The following TANC1 variants were observed in gnomAD, a reference collection of about 807,000 sequenced individuals.
TANC1 encodes tetratricopeptide repeat, ankyrin repeat and coiled-coil containing 1.
A neutral mutation model predicts 149.7 loss-of-function variants in TANC1; 77 were observed. That is an observed-to-expected ratio of 0.51 (90% CI 0.43 to 0.62). The LOEUF is 0.62. Ranked by LOEUF, TANC1 falls within the 20% of genes least tolerant of loss-of-function variation. TANC1 has a pLI of 0.00. For missense variants in TANC1, 1,985 were observed against 2,321.8 expected (o/e 0.85, Z 2.98); for synonymous variants, 854 against 925.0 (o/e 0.92, Z 1.39).
intron 3 of TANC1, among the ~76,000 whole-genome samples, chr2:159,091,793 T>G (rs1260912530): frequency 6.6e-6 from 1 of 152,218 alleles, no homozygotes; most frequent in African/African-American, 2.4e-5. Flanking sequence ...GAATAAAGTT[T>G]TTGAAAATTG....
At chr2:159,139,755 A>G (rs758092358) in intron 5 of TANC1, among the ~76,000 whole-genome samples, 2 of 152,216 alleles carry the variant, frequency 1.3e-5, no homozygotes, top group Non-Finnish European at 2.9e-5. Context: ...TTTTCCTGGC[A>G]GTCTGACTAA....
intron 4 of TANC1, among the ~76,000 whole-genome samples, chr2:159,120,862 A>G (rs2048779135): frequency 6.6e-6 from 1 of 151,984 alleles, no homozygotes; most frequent in East Asian, 1.9e-4. Context: ...CTGCCTCCCA[A>G]AGTGCTGAGA....
intron 2 of TANC1, among the ~76,000 whole-genome samples, chr2:159,051,298 C>T (rs1405951829): frequency 1.3e-5 from 2 of 152,158 alleles, no homozygotes; most frequent in Non-Finnish European, 2.9e-5. Context: ...TTCTGCAACT[C>T]CCTATTCCTC....
chr2:159,155,675 A>C (rs2150353081), intron 7 of TANC1, among the ~76,000 whole-genome samples: 1 of 152,280 alleles, frequency 6.6e-6, no homozygotes, highest in East Asian at 1.9e-4. Context: ...AGCTCTTCTG[A>C]ATGCCTTTCC....
intron 2 of TANC1, among the ~76,000 whole-genome samples, chr2:159,029,045 A>C (rs567623620): frequency 1.3e-5 from 2 of 152,174 alleles, no homozygotes; most frequent in Non-Finnish European, 2.9e-5. Context: ...TGTGAGCCAC[A>C]GTGCCTAGCA....
chr2:159,090,778 A>C (rs2045445295), intron 3 of TANC1, among the ~76,000 whole-genome samples: 1 of 152,256 alleles, frequency 6.6e-6, no homozygotes, highest in Non-Finnish European at 1.5e-5. Context: ...CTGCAGAAGC[A>C]GCAGGCCCAA....
chr2:158,985,467 A>G (rs533630340), intron 1 of TANC1, among the ~76,000 whole-genome samples: 1 of 152,362 alleles, frequency 6.6e-6, no homozygotes, highest in Admixed American at 6.5e-5. Context: ...GGCGCTCTGC[A>G]GGGCATGGCT....
chr2:159,117,541 G>A (rs2048389810), intron 4 of TANC1, among the ~76,000 whole-genome samples: 1 of 151,796 alleles, frequency 6.6e-6, no homozygotes, highest in African/African-American at 2.4e-5. Context: ...GACTACAGGT[G>A]CCCGCCACCA....
chr2:159,072,154 G>A (rs535017962), intron 3 of TANC1, among the ~76,000 whole-genome samples: 1 of 152,188 alleles, frequency 6.6e-6, no homozygotes, highest in South Asian at 2.1e-4. Flanking sequence ...GCTAATTTTC[G>A]TATTTTTAGT....
At chr2:159,157,470 G>C (rs1178611753) in intron 7 of TANC1, among the ~76,000 whole-genome samples, 3 of 152,220 alleles carry the variant, frequency 2.0e-5, no homozygotes, top group Non-Finnish European at 4.4e-5. Context: ...TTGAATGCCT[G>C]CTGGGTGTGA....
chr2:159,158,687 G>A (rs2053686700), intron 7 of TANC1, among the ~76,000 whole-genome samples: 1 of 152,238 alleles, frequency 6.6e-6, no homozygotes, highest in African/African-American at 2.4e-5. Context: ...GCATTGAGGA[G>A]TCACATTCAT....
Position 159,174,970 on chromosome 2 carries a change from C to T in TANC1, c.1521C>T (p.Tyr507=). ...YLASKVVAYH[Y]CQADNTYTCL... is the part of the protein sequence containing the mutation. ...CCCCCTAGGTGGTGGCCTACCACTA[C>T]TGCCAGGCTGACAACACGTACACTT... The change falls in exon 12 of 27, where the codon TAC becomes TAT. Residue 507 remains tyrosine (Y), a synonymous_variant. Coordinates refer to ENST00000263635, the MANE Select transcript of TANC1 (RefSeq NM_033394.3). 6.2e-7 allele frequency: 1 copy of T among 1,613,978 alleles called. No homozygotes were observed. Among genetic ancestry groups the T allele is most frequent in the Non-Finnish European group, 8.5e-7 (1 of 1,179,902 alleles).
chr2:159,051,105 C>T (rs1040275382), intron 2 of TANC1, among the ~76,000 whole-genome samples: 2 of 152,202 alleles, frequency 1.3e-5, no homozygotes, highest in Non-Finnish European at 2.9e-5. Flanking sequence ...AATTTTACAT[C>T]CACCGTCTCT....
At chr2:159,210,219 C>G (rs558758153) in intron 19 of TANC1, among the ~76,000 whole-genome samples, 1 of 152,150 alleles carries the variant, frequency 6.6e-6, no homozygotes, top group Non-Finnish European at 1.5e-5. Context: ...CTTCTGTGTG[C>G]GCTGACCCTG....
At chr2:158,997,895 G>A (rs1574032294) in intron 1 of TANC1, among the ~76,000 whole-genome samples, 1 of 152,268 alleles carries the variant, frequency 6.6e-6, no homozygotes, top group East Asian at 1.9e-4. Flanking sequence ...TCACTTCTAA[G>A]AGACAGAGTA....
chr2:159,207,971 C>T (rs2058741604), intron 19 of TANC1, among the ~76,000 whole-genome samples: 1 of 152,148 alleles, frequency 6.6e-6, no homozygotes, highest in Non-Finnish European at 1.5e-5. Context: ...AAGAGCATGA[C>T]TTCAGGTCCA....
intron 1 of TANC1, among the ~76,000 whole-genome samples, chr2:158,991,206 GT>G (rs2035592980): frequency 6.6e-6 from 1 of 151,436 alleles, no homozygotes; most frequent in African/African-American, 2.4e-5. Flanking sequence ...TAAATTTCCT[GT>G]TTTGATAGGA....
Position 159,179,124 on chromosome 2 carries a change from G to A in TANC1, c.2471G>A (p.Arg824Lys). Residue 824 changes from arginine (R) to lysine (K), a missense_variant, in exon 14 of 27, where the codon AGA (arginine) becomes AAA (lysine). Physicochemically the swap from Arg to Lys is conservative, Grantham distance 26 (BLOSUM62 2). Around this residue, in one of 3 missense-constraint regions of TANC1, gnomAD observed 508 missense variants for 714.2 expected, o/e 0.71. Transcript: ENST00000263635. ...HPSFREWLVWRADGENTAFLC... is the reference protein window; with the variant it reads ...HPSFREWLVWKADGENTAFLC... Reference sequence around the variant, plus strand: ...TCCTTCAGGGAGTGGCTTGTATGGAGAGCAGACGGGGAAAACACGGCCTTC... The same window carrying A: ...TCCTTCAGGGAGTGGCTTGTATGGAAAGCAGACGGGGAAAACACGGCCTTC... 6.2e-7 allele frequency: 1 copy of A among 1,613,294 alleles called. No individual in the cohort carries two copies.
At chr2:159,153,024 C>T (rs2053023748) in intron 7 of TANC1, among the ~76,000 whole-genome samples, 1 of 152,146 alleles carries the variant, frequency 6.6e-6, no homozygotes. Context: ...TCTCAATATT[C>T]CCCTTCAGTG....
Sources: allele counts gnomAD v4.1 joint callset (sites outside exome capture counted in the v4.1 genomes callset), GRCh38; gene constraint gnomAD v4.1.1; regional missense constraint gnomAD v4.1.1; transcripts MANE v1.5; gene names NCBI Gene and HGNC (gene_info 2026-07-23, HGNC 2026-07-21).